The following TNRC6B variants were observed in gnomAD, a reference collection of about 807,000 sequenced individuals.
TNRC6B encodes the protein trinucleotide repeat containing adaptor 6B.
A neutral mutation model predicts 203.6 loss-of-function variants in TNRC6B; 52 were observed. The observed-to-expected ratio is 0.26, with a 90% CI of 0.20 to 0.32. TNRC6B has a LOEUF of 0.32. Ranked by LOEUF, TNRC6B falls within the 10% of genes least tolerant of loss-of-function variation. The probability of loss-of-function intolerance (pLI) is 1.00; values close to 1 mark genes in which losing one functional copy is unlikely to be tolerated. For missense variants in TNRC6B, 1,923 were observed against 2,286.2 expected, an observed-to-expected ratio of 0.84 and a Z score of 3.24; for synonymous variants, 838 against 845.7, an observed-to-expected ratio of 0.99 and a Z score of 0.16.
chr22:40,107,654 A>G (rs917443420), intron 1 of TNRC6B, among the ~76,000 whole-genome samples: 5 of 152,192 alleles, frequency 3.3e-5, no homozygotes, highest in African/African-American at 7.2e-5. Flanking sequence ...TAAGCTCGCT[A>G]CATAAAATGA....
chr22:40,297,036 AG>A (rs2070953668), intron 12 of TNRC6B, among the ~76,000 whole-genome samples: 1 of 152,220 alleles, frequency 6.6e-6, no homozygotes, highest in Non-Finnish European at 1.5e-5. Flanking sequence ...ATTATCAAGA[AG>A]ATTGCTTTTG....
chr22:40,221,229 T>A (rs904600443), intron 1 of TNRC6B, among the ~76,000 whole-genome samples: 2 of 152,180 alleles, frequency 1.3e-5, no homozygotes, highest in African/African-American at 4.8e-5. Context: ...AACTGTTTCC[T>A]TCTTTGAGGT....
Position 40,270,272 on chromosome 22 carries a change from T to C in TNRC6B, c.2957T>C (p.Met986Thr). 6.9e-7 allele frequency: 1 copy of C among 1,442,622 alleles called. No homozygotes were observed. The allele number at this position is 1,442,622 out of a possible 1,614,324, so 89.4% of individuals were successfully genotyped here. A position where few individuals can be genotyped will look rare whatever the true frequency, so the allele number is the denominator to read the frequency against. The change falls in exon 6 of 23, where the codon ATG becomes ACG. Residue 986 changes from methionine (M) to threonine (T), a missense_variant. Met to Thr is a moderately conservative substitution (Grantham distance 81, BLOSUM62 -1). Around this residue, in one of 8 missense-constraint regions of TNRC6B, gnomAD observed 599 missense variants for 656.5 expected, o/e 0.91. Transcript: ENST00000454349. ...GNTPANAPNA[M>T]KPNSKSMQDG... Reference sequence around the variant, plus strand: ...ACGCCCGCCAACGCTCCCAATGCCATGAAGCCTAGTAAGTGTGAAGCTTTT... The same window carrying C: ...ACGCCCGCCAACGCTCCCAATGCCACGAAGCCTAGTAAGTGTGAAGCTTTT...
At chr22:40,277,681 T>A (rs739183) in intron 8 of TNRC6B, among the ~76,000 whole-genome samples, 1 of 152,048 alleles carries the variant, frequency 6.6e-6, no homozygotes, top group Non-Finnish European at 1.5e-5. Flanking sequence ...TATTTGGCGG[T>A]CACTCATGGA....
At chr22:40,312,867 C>T (rs772629970) in intron 18 of TNRC6B, 35 bp from the exon 19 acceptor site, 7 of 1,573,110 alleles carry the variant, frequency 4.4e-6, no homozygotes, top group Non-Finnish European at 6.1e-6. Context: ...TGACATTTAT[C>T]TTCAGTATTT....
At position 40,100,516 on chromosome 22, in the gene TNRC6B, C is replaced by CT. The variant is rs765386197; in HGVS notation, c.-120-16538dup. ...GCCCCAGCCTCCTTAGTAGCTAGGACTACAGGTGCACACCACCATGTCAGG... is the reference window on the plus strand; with the variant it reads ...GCCCCAGCCTCCTTAGTAGCTAGGACTTACAGGTGCACACCACCATGTCAGG... On this transcript the variant is annotated intron_variant, in intron 1 of 23. Transcript: ENST00000301923. Among the ~76,000 whole-genome samples the CT allele has an allele frequency of 1.2e-3, 181 of 152,130 alleles. 1 individual carries two copies. The highest frequency in any genetic ancestry group is 1.8e-3 in the Non-Finnish European group (125 of 67,996).
chr22:40,314,885 A>C (rs750380467), intron 19 of TNRC6B, among the ~76,000 whole-genome samples: 12 of 152,230 alleles, frequency 7.9e-5, no homozygotes, highest in Non-Finnish European at 1.8e-4. Context: ...ATTACTTTCT[A>C]TTCAGTCAAT....
At chr22:40,092,334 CAG>C (rs2146298013) in intron 1 of TNRC6B, among the ~76,000 whole-genome samples, 1 of 149,542 alleles carries the variant, frequency 6.7e-6, no homozygotes, top group Non-Finnish European at 1.5e-5. Flanking sequence ...ACCTGGGAGG[CAG>C]AGGTTACAGT....
chr22:40,313,771 A>G (rs1164383112), intron 19 of TNRC6B, among the ~76,000 whole-genome samples: 1 of 152,226 alleles, frequency 6.6e-6, no homozygotes, highest in Non-Finnish European at 1.5e-5. Flanking sequence ...CAGCAGTGCA[A>G]CAATAACCTA....
At chr22:40,145,076 A>AAAAC (rs2068680089) in intron 3 of TNRC6B, among the ~76,000 whole-genome samples, 1 of 151,606 alleles carries the variant, frequency 6.6e-6, no homozygotes, top group African/African-American at 2.4e-5. Flanking sequence ...ACAAAAAAAA[A>AAAAC]AAAAAAAAAA....
chr22:40,242,048 T>C (rs1489936016), intron 1 of TNRC6B, among the ~76,000 whole-genome samples: 7 of 152,180 alleles, frequency 4.6e-5, no homozygotes, highest in Admixed American at 4.6e-4. Context: ...CAGAATTAGC[T>C]CTTGTTCCAG....
intron 1 of TNRC6B, among the ~76,000 whole-genome samples, chr22:40,084,687 G>C (rs539270453): frequency 7.2e-5 from 11 of 152,256 alleles, no homozygotes; most frequent in Non-Finnish European, 1.3e-4. Flanking sequence ...TAATATAAAG[G>C]CTCTGAAATA....
intron 1 of TNRC6B, among the ~76,000 whole-genome samples, chr22:40,180,263 C>T (rs1451848302): frequency 1.3e-5 from 2 of 152,124 alleles, no homozygotes; most frequent in African/African-American, 4.8e-5. Flanking sequence ...TCATTTTACA[C>T]CTATTTCCTA....
chr22:40,265,321 A>G lies in TNRC6B; in HGVS notation c.1091A>G (p.Gln364Arg), dbSNP rs769289818. 2 of 1,614,054 alleles carry G rather than the reference A, an allele frequency of 1.2e-6. No homozygotes were observed. Among genetic ancestry groups the G allele is most frequent in the Admixed American group, 3.3e-5 (2 of 60,026 alleles). ...AATTTTGTTGTCTCTGGCAGAGAACAGGCTCAAATTCATAACACTGATGGA... is the reference window on the plus strand; with the variant it reads ...AATTTTGTTGTCTCTGGCAGAGAACGGGCTCAAATTCATAACACTGATGGA... Reference protein sequence around the residue: ...GVNFVVSGREQAQIHNTDGPK... With the variant: ...GVNFVVSGRERAQIHNTDGPK... The change falls in exon 5 of 23, where the codon CAG becomes CGG. Residue 364 changes from glutamine to arginine, a missense_variant. Physicochemically the swap from Gln to Arg is conservative, Grantham distance 43. This residue lies in a region of TNRC6B where 614 missense variants were observed against 587.7 expected (regional missense o/e 1.04). Transcript: ENST00000454349.
intron 1 of TNRC6B, among the ~76,000 whole-genome samples, chr22:40,221,093 T>TCTGTCGATAC (rs2069701451): frequency 6.6e-6 from 1 of 152,092 alleles, no homozygotes; most frequent in Non-Finnish European, 1.5e-5. Flanking sequence ...CCCTCCCAAC[T>TCTGTCGATAC]CTGTCGATAC....
chr22:40,200,884 T>A (rs7291171), intron 1 of TNRC6B, among the ~76,000 whole-genome samples: 58,389 of 152,044 alleles, frequency 0.38, 15,832 homozygotes, highest in African/African-American at 0.76. Context: ...GGCAGTGGAA[T>A]GTGATGGTGG....
intron 12 of TNRC6B, among the ~76,000 whole-genome samples, chr22:40,293,532 C>A (rs973726543): frequency 6.6e-6 from 1 of 151,170 alleles, no homozygotes; most frequent in Non-Finnish European, 1.5e-5. Flanking sequence ...GGATGAATTT[C>A]TCGATGGTAC....
At chr22:40,079,576 T>C (rs1409705401) in intron 1 of TNRC6B, among the ~76,000 whole-genome samples, 1 of 151,464 alleles carries the variant, frequency 6.6e-6, no homozygotes, top group Non-Finnish European at 1.5e-5. Context: ...TCTAAGTATA[T>C]ATATATATTT....
chr22:40,089,784 T>C (rs2068135079), intron 1 of TNRC6B, among the ~76,000 whole-genome samples: 1 of 152,222 alleles, frequency 6.6e-6, no homozygotes, highest in Non-Finnish European at 1.5e-5. Context: ...TGATGGCATG[T>C]ATCCATCATA....
Sources: allele counts gnomAD v4.1 joint callset (sites outside exome capture counted in the v4.1 genomes callset), GRCh38; gene constraint gnomAD v4.1.1; regional missense constraint gnomAD v4.1.1; transcripts MANE v1.5; gene names NCBI Gene and HGNC (gene_info 2026-07-23, HGNC 2026-07-21).